Variants in CLTA observed in about 807,000 individuals in gnomAD.
CLTA encodes clathrin light chain A.
A neutral mutation model predicts 26.9 loss-of-function variants in CLTA; 9 were observed. The observed-to-expected ratio is 0.33, with a 90% CI of 0.20 to 0.58. CLTA has a LOEUF of 0.58. Ranked by LOEUF, CLTA falls within the 20% of genes least tolerant of loss-of-function variation. The pLI is 0.85. For missense variants in CLTA, 278 were observed against 294.2 expected (o/e 0.94, Z 0.40); for synonymous variants, 120 against 115.5 (o/e 1.04, Z -0.25).
At chr9:36,199,141 A>G in intron 3 of CLTA, 45 bp downstream of exon 3, 1 of 1,211,934 alleles carries the variant, frequency 8.3e-7, no homozygotes, top group Non-Finnish European at 1.2e-6. Context: ...TCAGTGGAGT[A>G]GTTGAGCTGG....
chr9:36,205,755 G>GTTTTT (rs746587996), intron 4 of CLTA, among the ~76,000 whole-genome samples: 56 of 93,990 alleles, frequency 6.0e-4, no homozygotes, highest in African/African-American at 2.0e-3. Context: ...AATGACACCT[G>GTTTTT]TTTTTTTTTT....
chr9:36,203,899 C>T (rs1827568707), intron 3 of CLTA, 169 bp from the exon 4 acceptor site: 1 of 455,146 alleles, frequency 2.2e-6, no homozygotes, highest in Non-Finnish European at 2.9e-6. Flanking sequence ...GTTGGTTGTG[C>T]AAACAGAGAA....
At chr9:36,200,689 A>G (rs1827354201) in intron 3 of CLTA, among the ~76,000 whole-genome samples, 1 of 152,242 alleles carries the variant, frequency 6.6e-6, no homozygotes, top group African/African-American at 2.4e-5. Context: ...TTTGGTGGAA[A>G]TATTCTGTAT....
intron 1 of CLTA, among the ~76,000 whole-genome samples, chr9:36,194,613 A>G (rs1826922985): frequency 1.3e-5 from 2 of 152,224 alleles, no homozygotes. Flanking sequence ...TGCAGCTTCA[A>G]ACGTAGGTCT....
At chr9:36,196,574 C>T (rs1486839724) in intron 1 of CLTA, among the ~76,000 whole-genome samples, 2 of 151,888 alleles carry the variant, frequency 1.3e-5, no homozygotes, top group Non-Finnish European at 2.9e-5. Context: ...GTCTTGAACT[C>T]CTGACCTCGA....
Position 36,209,421 on chromosome 9 carries a change from T to G in CLTA, c.486-2182T>G, listed in dbSNP as rs1453494137. ...TCACAAGTTGCTTTGCTTTTTAAAT[T>G]ATTTCAAATTGGCACTTTGGGGGCT... On this transcript the variant is annotated intron_variant, in intron 4 of 4. Coordinates refer to ENST00000345519, the MANE Select transcript of CLTA (RefSeq NM_001833.4). 3.1e-6 allele frequency: 3 copies of G among 961,408 alleles called. No individual in the cohort carries two copies. The Admixed American group carries it at 6.0e-5, about 19-fold the overall frequency. The allele number at this position is 961,408 out of a possible 1,614,324, so 59.6% of individuals were successfully genotyped here.
chr9:36,207,359 A>G (rs760906144), intron 4 of CLTA, among the ~76,000 whole-genome samples: 1 of 152,172 alleles, frequency 6.6e-6, no homozygotes, highest in Non-Finnish European at 1.5e-5. Context: ...ACCCCAGAAC[A>G]TTTCCCCTAT....
chr9:36,211,586 TTTG>T lies in CLTA; in HGVS notation c.486-10_486-8del, dbSNP rs1304312295. On this transcript the variant is annotated splice_polypyrimidine_tract_variant and intron_variant, in intron 4 of 4. Transcript: ENST00000345519. ...GGGGGTTCTGCATAAACCAACATATTTTGTTGTTGCTTCCAGGGCAGCAGAAGA... is the reference window on the plus strand; with the variant it reads ...GGGGGTTCTGCATAAACCAACATATTTTGTTGCTTCCAGGGCAGCAGAAGA... The T allele has an allele frequency of 1.3e-6, 2 of 1,599,284 alleles. No individual in the cohort carries two copies. Among genetic ancestry groups the T allele is most frequent in the African/African-American group, 1.3e-5 (1 of 74,710 alleles).
chr9:36,200,952 A>G lies in CLTA; in HGVS notation c.373+1856A>G, dbSNP rs539289789. ...TCTCTTGAGTATGCTTAGAGGCAAG[A>G]TTTAGCTGGTCTTAGTACTGCTGTA... On this transcript the variant is annotated intron_variant, in intron 3 of 4. Transcript: ENST00000345519. Among the ~76,000 whole-genome samples, 3 of 152,332 alleles carry G rather than the reference A, an allele frequency of 2.0e-5. No individual in the cohort carries two copies. The South Asian group carries it at 6.2e-4, about 32-fold the overall frequency.
At chr9:36,195,382 A>G (rs1415837227) in intron 1 of CLTA, among the ~76,000 whole-genome samples, 1 of 152,240 alleles carries the variant, frequency 6.6e-6, no homozygotes, top group East Asian at 1.9e-4. Flanking sequence ...GAGAGCAAAT[A>G]CTTAGAGATC....
At chr9:36,194,006 G>GACA (rs1826888514) in intron 1 of CLTA, among the ~76,000 whole-genome samples, 1 of 152,150 alleles carries the variant, frequency 6.6e-6, no homozygotes, top group Non-Finnish European at 1.5e-5. Context: ...GCCACAGAGA[G>GACA]AGTACAGCAG....
At chr9:36,206,908 A>G (rs1440966699) in intron 4 of CLTA, among the ~76,000 whole-genome samples, 3 of 149,456 alleles carry the variant, frequency 2.0e-5, no homozygotes, top group Non-Finnish European at 3.0e-5. Context: ...AAAAGAAAAG[A>G]AAAAAGAAAA....
chr9:36,194,290 G>C (rs1826906480), intron 1 of CLTA, among the ~76,000 whole-genome samples: 1 of 152,238 alleles, frequency 6.6e-6, no homozygotes, highest in Non-Finnish European at 1.5e-5. Flanking sequence ...GCCTCCCAAA[G>C]TGCTGGAATT....
intron 1 of CLTA, among the ~76,000 whole-genome samples, chr9:36,196,082 C>T (rs184836814): frequency 4.1e-4 from 62 of 152,174 alleles, no homozygotes; most frequent in African/African-American, 1.1e-3. Context: ...TCGAGACCAT[C>T]CTGGCCAACG....
intron 1 of CLTA, among the ~76,000 whole-genome samples, chr9:36,195,938 A>G (rs1311108977): frequency 6.6e-6 from 1 of 152,040 alleles, no homozygotes; most frequent in East Asian, 1.9e-4. Context: ...AGTGTACTCT[A>G]GCCTGGCCAA....
chr9:36,190,909 C>A (rs974775671), upstream of CLTA: 31 of 1,355,462 alleles, frequency 2.3e-5, no homozygotes, highest in Non-Finnish European at 2.8e-5. Context: ...ACCGGATACA[C>A]GGGTAGGGCT....
chr9:36,192,460 C>G (rs1826791485), intron 1 of CLTA, among the ~76,000 whole-genome samples: 1 of 152,150 alleles, frequency 6.6e-6, no homozygotes, highest in Non-Finnish European at 1.5e-5. Context: ...TTGACTGCAC[C>G]ATGTTGCTTC....
At chr9:36,206,180 G>A (rs1163969646) in intron 4 of CLTA, among the ~76,000 whole-genome samples, 1 of 152,166 alleles carries the variant, frequency 6.6e-6, no homozygotes, top group Non-Finnish European at 1.5e-5. Context: ...TCTCACAGAT[G>A]AACCTCTTAA....
chr9:36,202,929 C>T (rs986481202), intron 3 of CLTA, among the ~76,000 whole-genome samples: 4 of 151,662 alleles, frequency 2.6e-5, no homozygotes, highest in African/African-American at 9.7e-5. Flanking sequence ...TCAAGCGATT[C>T]TCCTGCCTCA....
Sources: gnomAD v4.1 joint callset for allele counts (sites outside exome capture counted in the v4.1 genomes callset) on GRCh38, gnomAD v4.1.1 for gene constraint, MANE v1.5 for transcripts, NCBI Gene and HGNC (gene_info 2026-07-23, HGNC 2026-07-21) for gene names.